The following GRID1 variants were observed in gnomAD, a reference collection of about 807,000 sequenced individuals.
The protein encoded by GRID1 is glutamate receptor ionotropic, delta-1.
Under a neutral mutation model 98.0 loss-of-function variants are expected in GRID1, and 28 were observed. That is an observed-to-expected ratio of 0.29 (90% CI 0.21 to 0.39). GRID1 has a LOEUF of 0.39. Ranked by LOEUF, GRID1 falls within the 10% of genes least tolerant of loss-of-function variation. GRID1 has a pLI of 1.00. For missense variants in GRID1, 1,111 were observed against 1,340.5 expected (o/e 0.83, Z 2.67); for synonymous variants, 553 against 538.5 (o/e 1.03, Z -0.37).
At chr10:86,326,812 G>A (rs1435590099) in intron 2 of GRID1, among the ~76,000 whole-genome samples, 1 of 152,162 alleles carries the variant, frequency 6.6e-6, no homozygotes, top group Admixed American at 6.5e-5. Flanking sequence ...CAGCCAAGTG[G>A]GGCCCTAAAA....
intron 4 of GRID1, among the ~76,000 whole-genome samples, chr10:85,992,615 T>TCG (rs1554844879): frequency 1.4e-5 from 2 of 144,076 alleles, no homozygotes; most frequent in Non-Finnish European, 3.0e-5. Context: ...TGAGGAGAGG[T>TCG]GGGGGGGGAA....
intron 4 of GRID1, among the ~76,000 whole-genome samples, chr10:86,105,417 C>A (rs1262637771): frequency 6.6e-6 from 1 of 152,186 alleles, no homozygotes; most frequent in East Asian, 1.9e-4. Flanking sequence ...GTTACAGATG[C>A]CCTGTTTGAT....
At chr10:85,734,024 C>T (rs190451111) in intron 8 of GRID1, among the ~76,000 whole-genome samples, 71 of 152,208 alleles carry the variant, frequency 4.7e-4, no homozygotes, top group Non-Finnish European at 9.0e-4. Flanking sequence ...TGCACTTGTA[C>T]GACTCAAAAC....
At chr10:85,854,413 G>T (rs2131780358) in intron 8 of GRID1, 83 bp downstream of exon 8, 1 of 1,252,786 alleles carries the variant, frequency 8.0e-7, no homozygotes, top group Non-Finnish European at 1.2e-6. Flanking sequence ...AACAGTTGCT[G>T]GGAGCTCAGG....
intron 4 of GRID1, among the ~76,000 whole-genome samples, chr10:85,940,615 C>G (rs1841987106): frequency 1.3e-5 from 2 of 152,218 alleles, no homozygotes; most frequent in African/African-American, 4.8e-5. Context: ...CTAGGCTTCT[C>G]CCAACCAAAA....
intron 4 of GRID1, among the ~76,000 whole-genome samples, chr10:85,993,222 A>G (rs1433338917): frequency 6.6e-6 from 1 of 152,040 alleles, no homozygotes; most frequent in Admixed American, 6.5e-5. Flanking sequence ...GGACAAGGGG[A>G]GGGATGTGGG....
chr10:85,783,813 C>G (rs1302666775), intron 8 of GRID1, among the ~76,000 whole-genome samples: 1 of 152,168 alleles, frequency 6.6e-6, no homozygotes, highest in African/African-American at 2.4e-5. Context: ...ATATATAAAG[C>G]TGTTGTCACC....
intron 8 of GRID1, among the ~76,000 whole-genome samples, chr10:85,789,385 T>C (rs998157381): frequency 6.6e-6 from 1 of 152,016 alleles, no homozygotes; most frequent in African/African-American, 2.4e-5. Context: ...CTGTGAGCAC[T>C]CCAGACTGGG....
At chr10:86,190,204 G>A (rs961619432) in intron 3 of GRID1, among the ~76,000 whole-genome samples, 3 of 152,130 alleles carry the variant, frequency 2.0e-5, no homozygotes, top group African/African-American at 7.2e-5. Flanking sequence ...GATCCTAACC[G>A]GCCCTCCAGA....
chr10:86,026,597 T>C (rs184602412), intron 4 of GRID1, among the ~76,000 whole-genome samples: 65 of 152,328 alleles, frequency 4.3e-4, no homozygotes, highest in African/African-American at 1.5e-3. Context: ...GTCAACTATG[T>C]CAGTGACAAA....
intron 12 of GRID1, among the ~76,000 whole-genome samples, chr10:85,671,886 A>G (rs986769595): frequency 2.6e-5 from 4 of 152,268 alleles, no homozygotes; most frequent in African/African-American, 9.6e-5. Context: ...TCAACAGGAC[A>G]TTCCCTTAAG....
intron 13 of GRID1, among the ~76,000 whole-genome samples, chr10:85,631,371 G>T (rs1296789422): frequency 6.6e-6 from 1 of 152,130 alleles, no homozygotes; most frequent in South Asian, 2.1e-4. Flanking sequence ...CCAGATTCTT[G>T]TCAAGCTTTT....
chr10:85,641,446 T>G (rs752919316), intron 13 of GRID1, among the ~76,000 whole-genome samples: 1 of 152,122 alleles, frequency 6.6e-6, no homozygotes, highest in Non-Finnish European at 1.5e-5. Flanking sequence ...CACTTTGGTG[T>G]CAGAGAGGGA....
At chr10:86,128,434 G>A (rs1287520385) in intron 4 of GRID1, among the ~76,000 whole-genome samples, 2 of 152,126 alleles carry the variant, frequency 1.3e-5, no homozygotes, top group Non-Finnish European at 2.9e-5. Context: ...TCCTACAGCA[G>A]CTCCTTTCCC....
rs1273721570 is a variant in GRID1 at position 86,197,640 on chromosome 10, T to TCCAGCAGGAC, written c.520+8714_520+8723dup. On this transcript the variant is annotated intron_variant, in intron 3 of 15. Coordinates refer to ENST00000327946, the MANE Select transcript of GRID1 (RefSeq NM_017551.3). The stretch of plus-strand genomic sequence containing the variant: ...CTGGACAAGTTCTTGCTCCCTCAAC[T>TCCAGCAGGAC]CCAGCAGGACCCAGCAGCACACCGG... Among the ~76,000 whole-genome samples, 10 of 152,002 alleles carry TCCAGCAGGAC rather than the reference T, an allele frequency of 6.6e-5. No individual in the cohort carries two copies. In the East Asian group the frequency reaches 1.9e-3, roughly 29 times the overall value.
intron 8 of GRID1, among the ~76,000 whole-genome samples, chr10:85,846,130 A>G (rs908498705): frequency 6.6e-6 from 1 of 152,256 alleles, no homozygotes; most frequent in African/African-American, 2.4e-5. Flanking sequence ...TTATATTAGT[A>G]AAACCACTAA....
At chr10:86,205,844 C>T (rs545470596) in intron 3 of GRID1, among the ~76,000 whole-genome samples, 1 of 152,258 alleles carries the variant, frequency 6.6e-6, no homozygotes, top group East Asian at 1.9e-4. Flanking sequence ...ATGCCCAGCC[C>T]TACCCAGTGT....
At chr10:86,284,107 T>C (rs544944207) in intron 2 of GRID1, among the ~76,000 whole-genome samples, 1 of 127,270 alleles carries the variant, frequency 7.9e-6, no homozygotes, top group South Asian at 2.7e-4. Context: ...CCTGCCCTCA[T>C]ACGCCTGCAT....
intron 5 of GRID1, among the ~76,000 whole-genome samples, chr10:85,901,240 T>TTTAA (rs1841382188): frequency 6.6e-6 from 1 of 150,502 alleles, no homozygotes; most frequent in South Asian, 2.1e-4. Flanking sequence ...TATTTATTTA[T>TTTAA]TTATTTATTT....
Sources: gnomAD v4.1 joint callset for allele counts (sites outside exome capture counted in the v4.1 genomes callset) on GRCh38, gnomAD v4.1.1 for gene constraint, MANE v1.5 for transcripts, NCBI Gene and HGNC (gene_info 2026-07-23, HGNC 2026-07-21) for gene names.